INPP4B: variants seen among roughly 807,000 people sequenced by gnomAD.
The protein encoded by INPP4B is inositol polyphosphate 4-phosphatase type II.
In INPP4B, 55 loss-of-function variants were observed where a neutral mutation model predicts 122.5. The ratio of observed to expected loss-of-function variants is 0.45; its 90% confidence interval spans 0.36 to 0.56. The LOEUF (loss-of-function observed/expected upper bound fraction) is 0.56. Ranked by LOEUF, INPP4B falls within the 20% of genes least tolerant of loss-of-function variation. The pLI is 0.00. For synonymous variants in INPP4B, 403 were observed against 388.7 expected, an observed-to-expected ratio of 1.04 and a Z score of -0.43; for missense variants, 1,000 against 1,097.7, an observed-to-expected ratio of 0.91 and a Z score of 1.26.
At chr4:142,393,399 G>A (rs535056108) in intron 7 of INPP4B, among the ~76,000 whole-genome samples, 9 of 152,134 alleles carry the variant, frequency 5.9e-5, no homozygotes, top group Non-Finnish European at 1.2e-4. Context: ...GACCAGGTTT[G>A]GTTTTTCTCC....
chr4:142,801,647 C>G (rs77777462), intron 1 of INPP4B, among the ~76,000 whole-genome samples: 4,612 of 152,212 alleles, frequency 0.03, 85 homozygotes, highest in Non-Finnish European at 0.041. Flanking sequence ...CAAACCAGTA[C>G]AGATGGATGT....
At chr4:142,073,797 A>T (rs1275423929) in intron 25 of INPP4B, among the ~76,000 whole-genome samples, 1 of 152,050 alleles carries the variant, frequency 6.6e-6, no homozygotes, top group Non-Finnish European at 1.5e-5. Context: ...AGGTTTTGGC[A>T]TAACTGCTCT....
chr4:142,383,196 T>G (rs1794802645), intron 7 of INPP4B, among the ~76,000 whole-genome samples: 1 of 152,166 alleles, frequency 6.6e-6, no homozygotes, highest in African/African-American at 2.4e-5. Context: ...CTGTTACATT[T>G]ATAATCTTTG....
intron 9 of INPP4B, among the ~76,000 whole-genome samples, chr4:142,276,582 T>C (rs974815555): frequency 6.6e-6 from 1 of 151,978 alleles, no homozygotes; most frequent in Non-Finnish European, 1.5e-5. Flanking sequence ...ATAAAGATTG[T>C]AAACCATCCT....
At chr4:142,594,911 C>T (rs1017710078) in intron 2 of INPP4B, among the ~76,000 whole-genome samples, 3 of 141,278 alleles carry the variant, frequency 2.1e-5, no homozygotes, top group East Asian at 2.1e-4. Flanking sequence ...GCCAAGATCG[C>T]GTCACTGCAC....
intron 2 of INPP4B, among the ~76,000 whole-genome samples, chr4:142,656,474 A>C (rs142352594): frequency 0.012 from 1,751 of 152,102 alleles, 31 homozygotes; most frequent in African/African-American, 0.032. Flanking sequence ...CCCCCTGTGG[A>C]TCCTGGGCCT....
chr4:142,261,396 T>C lies in INPP4B; in HGVS notation c.616-832A>G, dbSNP rs1294686908. On this transcript the variant is annotated intron_variant, in intron 10 of 25. Coordinates refer to ENST00000262992, the MANE Select transcript of INPP4B (RefSeq NM_001101669.3). ...TTCCTTTTATCTTTAGAAAAAAATA[T>C]GGGGGTGTGAGTGGGGACAGGGAAG... is the stretch of plus-strand genomic sequence containing the variant. 2.0e-5 allele frequency among the ~76,000 whole-genome samples: 3 copies of C among 152,128 alleles called. No individual in the cohort carries two copies. The South Asian group carries it at 6.2e-4, about 32-fold the overall frequency.
chr4:142,224,491 T>C (rs2149747865), intron 12 of INPP4B, among the ~76,000 whole-genome samples: 1 of 152,310 alleles, frequency 6.6e-6, no homozygotes, highest in African/African-American at 2.4e-5. Context: ...CTTCTGTCTC[T>C]CAGAATAGCT....
chr4:142,718,543 A>G (rs913620960), intron 2 of INPP4B, among the ~76,000 whole-genome samples: 2 of 152,140 alleles, frequency 1.3e-5, no homozygotes, highest in Non-Finnish European at 2.9e-5. Context: ...CAATGATAAG[A>G]GTGTCTTAAC....
intron 17 of INPP4B, among the ~76,000 whole-genome samples, chr4:142,151,099 T>C (rs1457045027): frequency 6.6e-6 from 1 of 152,228 alleles, no homozygotes; most frequent in Non-Finnish European, 1.5e-5. Context: ...TTGATTTTGA[T>C]TGACAGCAAT....
intron 7 of INPP4B, among the ~76,000 whole-genome samples, chr4:142,358,080 G>T (rs1784204675): frequency 6.6e-6 from 1 of 151,990 alleles, no homozygotes; most frequent in East Asian, 1.9e-4. Context: ...TAGAGATTTT[G>T]TTCATATCAA....
chr4:142,125,721 G>T (rs1019331589), intron 18 of INPP4B, among the ~76,000 whole-genome samples: 1 of 151,878 alleles, frequency 6.6e-6, no homozygotes, highest in African/African-American at 2.4e-5. Context: ...ACTTCCTTTT[G>T]TGCCTGTATC....
chr4:142,237,761 A>G, intron 12 of INPP4B, 103 bp downstream of exon 12: 1 of 618,390 alleles, frequency 1.6e-6, no homozygotes, highest in Non-Finnish European at 2.6e-6. Context: ...CACAATGCAT[A>G]CATATTTCAA....
chr4:142,696,937 C>T (rs772448496), intron 2 of INPP4B, among the ~76,000 whole-genome samples: 5 of 152,132 alleles, frequency 3.3e-5, no homozygotes, highest in East Asian at 1.9e-4. Context: ...TGTGCAGCCC[C>T]GCACACTCCA....
At chr4:142,161,041 A>G (rs953596671) in intron 16 of INPP4B, among the ~76,000 whole-genome samples, 2 of 152,032 alleles carry the variant, frequency 1.3e-5, no homozygotes, top group Non-Finnish European at 2.9e-5. Flanking sequence ...TACATCCTTA[A>G]AGGAGAAGAT....
At chr4:142,272,767 A>G (rs1373959319) in intron 9 of INPP4B, among the ~76,000 whole-genome samples, 1 of 151,948 alleles carries the variant, frequency 6.6e-6, no homozygotes, top group Non-Finnish European at 1.5e-5. Context: ...TATAATAAGG[A>G]CCTTCATGGG....
intron 15 of INPP4B, among the ~76,000 whole-genome samples, chr4:142,184,881 A>G (rs1832480310): frequency 6.6e-6 from 1 of 152,156 alleles, no homozygotes; most frequent in African/African-American, 2.4e-5. Flanking sequence ...GCCAGAACAC[A>G]TGTATATATT....
intron 18 of INPP4B, among the ~76,000 whole-genome samples, chr4:142,140,448 G>A (rs752347157): frequency 3.3e-5 from 5 of 152,182 alleles, no homozygotes; most frequent in South Asian, 2.1e-4. Flanking sequence ...ATTAACCAGC[G>A]TATTTGAATG....
chr4:142,634,089 T>C (rs1251661939), intron 2 of INPP4B, among the ~76,000 whole-genome samples: 1 of 152,066 alleles, frequency 6.6e-6, no homozygotes. Flanking sequence ...AGAAACACTT[T>C]AATGCAGATA....
Sources: allele counts gnomAD v4.1 joint callset (sites outside exome capture counted in the v4.1 genomes callset), GRCh38; gene constraint gnomAD v4.1.1; transcripts MANE v1.5; gene names NCBI Gene and HGNC (gene_info 2026-07-23, HGNC 2026-07-21).